ARMC2: variants seen among roughly 807,000 people sequenced by gnomAD.
The protein encoded by ARMC2 is armadillo repeat containing 2.
Under a neutral mutation model 90.3 loss-of-function variants are expected in ARMC2, and 67 were observed. That is an observed-to-expected ratio of 0.74 (90% CI 0.61 to 0.91). The LOEUF (loss-of-function observed/expected upper bound fraction) is 0.91. Ranked by LOEUF, ARMC2 falls within the 40% of genes least tolerant of loss-of-function variation. The pLI, the probability that ARMC2 is intolerant of heterozygous loss-of-function variation, is 0.00. For synonymous variants in ARMC2, 393 were observed against 393.0 expected, an observed-to-expected ratio of 1.00 and a Z score of 0.00; for missense variants, 920 against 1,030.9, an observed-to-expected ratio of 0.89 and a Z score of 1.47.
chr6:108,922,581 C>T (rs1445059082), intron 10 of ARMC2, among the ~76,000 whole-genome samples: 1 of 151,948 alleles, frequency 6.6e-6, no homozygotes, highest in Non-Finnish European at 1.5e-5. Context: ...TCTCATTTTA[C>T]TGTATTAAAA....
chr6:108,876,709 T>G (rs561879552), intron 5 of ARMC2, among the ~76,000 whole-genome samples: 1 of 152,216 alleles, frequency 6.6e-6, no homozygotes, highest in Non-Finnish European at 1.5e-5. Flanking sequence ...TTATCTCCCT[T>G]TGGGTTAGTT....
At chr6:108,965,946 C>T (rs1438131973) in intron 17 of ARMC2, among the ~76,000 whole-genome samples, 2 of 151,262 alleles carry the variant, frequency 1.3e-5, no homozygotes, top group Non-Finnish European at 2.9e-5. Flanking sequence ...AACCACCTTG[C>T]CTGGCCAGGA....
chr6:108,975,115 C>T (rs1009103841), downstream of ARMC2, among the ~76,000 whole-genome samples: 1 of 151,876 alleles, frequency 6.6e-6, no homozygotes. Context: ...CATAACCCAT[C>T]ATCTACATTA....
intron 13 of ARMC2, among the ~76,000 whole-genome samples, chr6:108,956,534 T>TAAA (rs112863867): frequency 2.7e-4 from 37 of 135,034 alleles, no homozygotes; most frequent in Middle Eastern, 3.7e-3. Context: ...CTGTCTCTAT[T>TAAA]AAAAAAAAAA....
At chr6:108,857,452 A>G (rs1774755052) in intron 2 of ARMC2, among the ~76,000 whole-genome samples, 1 of 152,136 alleles carries the variant, frequency 6.6e-6, no homozygotes, top group Admixed American at 6.5e-5. Flanking sequence ...TAATCCTGTT[A>G]TCTGGAAAGA....
chr6:108,945,915 A>G (rs1374953866), intron 12 of ARMC2, among the ~76,000 whole-genome samples: 1 of 152,204 alleles, frequency 6.6e-6, no homozygotes, highest in East Asian at 1.9e-4. Flanking sequence ...TTGTAGGGCG[A>G]CTTGGCTCCC....
At chr6:108,864,432 AG>A (rs1172813211) in intron 3 of ARMC2, among the ~76,000 whole-genome samples, 1 of 152,014 alleles carries the variant, frequency 6.6e-6, no homozygotes, top group Non-Finnish European at 1.5e-5. Context: ...TATTTTTAGT[AG>A]AGACGGGGTT....
intron 17 of ARMC2, among the ~76,000 whole-genome samples, chr6:108,969,771 A>G (rs2065898128): frequency 6.6e-6 from 1 of 152,230 alleles, no homozygotes; most frequent in Non-Finnish European, 1.5e-5. Context: ...GCTGAGTGCA[A>G]TGGCTCATGC....
intron 13 of ARMC2, among the ~76,000 whole-genome samples, chr6:108,960,969 A>G (rs1035068702): frequency 6.6e-6 from 1 of 152,176 alleles, no homozygotes; most frequent in Admixed American, 6.5e-5. Flanking sequence ...TTCGTGGGTT[A>G]TGAGGTGGGT....
the ARMC2 span, among the ~76,000 whole-genome samples, chr6:109,011,632 C>CTT: frequency 2.9e-5 from 4 of 138,664 alleles, no homozygotes; most frequent in Admixed American, 7.2e-5. Flanking sequence ...AATTTTTTTT[C>CTT]TTTTTTTTTT....
intron 8 of ARMC2, among the ~76,000 whole-genome samples, chr6:108,905,583 A>G (rs1357765567): frequency 1.3e-5 from 2 of 151,928 alleles, no homozygotes; most frequent in Admixed American, 1.3e-4. Context: ...AGGAAGGAGG[A>G]AGGAAGGAAC....
intron 12 of ARMC2, among the ~76,000 whole-genome samples, chr6:108,940,929 G>C (rs1223723083): frequency 2.0e-5 from 3 of 152,114 alleles, no homozygotes; most frequent in Admixed American, 6.5e-5. Context: ...CTCAGAGAGA[G>C]AGAGAAGACT....
chr6:108,949,970 C>T (rs999677767), intron 12 of ARMC2, among the ~76,000 whole-genome samples: 2 of 152,138 alleles, frequency 1.3e-5, no homozygotes, highest in African/African-American at 4.8e-5. Context: ...CTTTGAGAGG[C>T]CGAGGTGGGT....
At chr6:108,852,754 T>A (rs1450472696) in intron 1 of ARMC2, among the ~76,000 whole-genome samples, 1 of 152,146 alleles carries the variant, frequency 6.6e-6, no homozygotes, top group Admixed American at 6.5e-5. Context: ...TGATTTAGGC[T>A]CTGGAAGAAG....
intron 12 of ARMC2, among the ~76,000 whole-genome samples, chr6:108,947,383 C>T (rs1216447343): frequency 6.6e-6 from 1 of 152,174 alleles, no homozygotes; most frequent in African/African-American, 2.4e-5. Context: ...TTTGGGCTTA[C>T]TTAATGAGTC....
At chr6:108,895,044 G>T (rs1175190252) in intron 6 of ARMC2, among the ~76,000 whole-genome samples, 8 of 149,338 alleles carry the variant, frequency 5.4e-5, no homozygotes, top group African/African-American at 2.0e-4. Context: ...GGGATTACAG[G>T]GGTGAGCCAC....
the ARMC2 span, among the ~76,000 whole-genome samples, chr6:109,046,299 G>C: frequency 6.6e-6 from 1 of 151,720 alleles, no homozygotes; most frequent in Non-Finnish European, 1.5e-5. Flanking sequence ...TGGCCGGGCC[G>C]GTCTCCAGCC....
chr6:108,895,230 A>C (rs1771477802), intron 6 of ARMC2, among the ~76,000 whole-genome samples: 1 of 150,750 alleles, frequency 6.6e-6, no homozygotes, highest in Non-Finnish European at 1.5e-5. Context: ...TGGGAGACTG[A>C]GGCAGGCGGA....
chr6:109,033,127 G>A, the ARMC2 span, among the ~76,000 whole-genome samples: 1 of 151,930 alleles, frequency 6.6e-6, no homozygotes, highest in South Asian at 2.1e-4. Context: ...GAGATGAGGT[G>A]TTGAGGTGTG....
Sources: gnomAD v4.1 joint callset for allele counts (sites outside exome capture counted in the v4.1 genomes callset) on GRCh38, gnomAD v4.1.1 for gene constraint, MANE v1.5 for transcripts, NCBI Gene and HGNC (gene_info 2026-07-23, HGNC 2026-07-21) for gene names.